Variants in CNOT3 observed in about 807,000 individuals in gnomAD.
CNOT3 encodes the protein CCR4-NOT transcription complex subunit 3.
A neutral mutation model predicts 89.4 loss-of-function variants in CNOT3; 2 were observed. That is an observed-to-expected ratio of 0.02 (90% CI 0.01 to 0.07). The LOEUF (loss-of-function observed/expected upper bound fraction) is 0.07, where lower values mean the gene tolerates loss of function less well. Among genes scored for constraint, CNOT3 ranks in the 10% least tolerant of loss-of-function variants. The probability of loss-of-function intolerance (pLI) is 1.00; values close to 1 mark genes in which losing one functional copy is unlikely to be tolerated. For missense variants in CNOT3, 664 were observed against 1,010.2 expected, an observed-to-expected ratio of 0.66 and a Z score of 4.65; for synonymous variants, 486 against 402.0, an observed-to-expected ratio of 1.21 and a Z score of -2.50.
chr19:54,152,863 A>C lies in CNOT3; in HGVS notation c.1905-4A>C. The C allele has an allele frequency of 7.2e-7, 1 of 1,395,674 alleles. No individual in the cohort carries two copies. The highest frequency in any genetic ancestry group is 1.0e-6 in the Non-Finnish European group (1 of 1,004,612). The allele number at this position is 1,395,674 out of a possible 1,614,324, so 86.5% of individuals were successfully genotyped here. ...TGGCACTGACCTTCCTGTTGCTCTCACAGGCAGTACCTCCCCCGGAACCCC... is the reference window on the plus strand; with the variant it reads ...TGGCACTGACCTTCCTGTTGCTCTCCCAGGCAGTACCTCCCCCGGAACCCC... On this transcript the variant is annotated splice_polypyrimidine_tract_variant and splice_region_variant and intron_variant, in intron 15 of 17. Coordinates refer to ENST00000221232, the MANE Select transcript of CNOT3 (RefSeq NM_014516.4).
In CNOT3 at chr19:54,155,506, A is replaced by T; in HGVS notation, c.*99A>T. On this transcript the variant is annotated 3_prime_UTR_variant, in exon 18 of 18. Transcript: ENST00000221232. The stretch of plus-strand genomic sequence containing the variant: ...GAAGACTGGAGGGAGGCCCCAAGCC[A>T]CGGGGCATCCCCCTCTCCCAGGAAG... The T allele has an allele frequency of 1.1e-6, 1 of 944,750 alleles. No homozygotes were observed. Among genetic ancestry groups the T allele is most frequent in the Non-Finnish European group, 1.6e-6 (1 of 634,708 alleles). The allele number at this position is 944,750 out of a possible 1,614,324, so 58.5% of individuals were successfully genotyped here.
intron 12 of CNOT3, 149 bp from the exon 13 acceptor site, chr19:54,149,411 C>T: frequency 2.0e-6 from 1 of 512,452 alleles, no homozygotes; most frequent in South Asian, 3.4e-5. Context: ...CCCAGAGAAC[C>T]ACTTCTTTCT....
chr19:54,152,106 TG>T, intron 13 of CNOT3, 119 bp from the exon 14 acceptor site: 2 of 900,044 alleles, frequency 2.2e-6, no homozygotes, highest in Non-Finnish European at 3.5e-6. Context: ...TTGTGGGGAG[TG>T]GGTCGTTGGC....
chr19:54,151,562 T>C (rs2075110476), intron 13 of CNOT3, among the ~76,000 whole-genome samples: 1 of 152,190 alleles, frequency 6.6e-6, no homozygotes, highest in Non-Finnish European at 1.5e-5. Context: ...TGACTCGTTG[T>C]GGAGAGTCCA....
In CNOT3 at chr19:54,154,119, T is replaced by C. The variant is rs1384053890; in HGVS notation, c.2163+279T>C. On this transcript the variant is annotated intron_variant, in intron 17 of 17. Coordinates refer to ENST00000221232, the MANE Select transcript of CNOT3 (RefSeq NM_014516.4). ...GCCACCCAGCCCAGTGCCTCCCCTT[T>C]GCAGTGCTGGGCACACTCGCCTGGG... 1.1e-5 allele frequency: 7 copies of C among 660,166 alleles called. No homozygotes were observed. In the East Asian group the frequency reaches 2.2e-4, roughly 20 times the overall value. The allele number at this position is 660,166 out of a possible 1,614,324, so 40.9% of individuals were successfully genotyped here.
At chr19:54,153,182 CCA>C in intron 16 of CNOT3, 183 bp downstream of exon 16, 2 of 766,778 alleles carry the variant, frequency 2.6e-6, no homozygotes, top group Non-Finnish European at 4.8e-6. Flanking sequence ...GCCTTCCAGC[CCA>C]GAGATGTTAG....
intron 13 of CNOT3, among the ~76,000 whole-genome samples, chr19:54,151,608 TGGA>T (rs2075114686): frequency 1.3e-5 from 2 of 152,186 alleles, no homozygotes; most frequent in Admixed American, 6.5e-5. Context: ...TGCACGTGGC[TGGA>T]GGAGATGGGA....
intron 16 of CNOT3, 27 bp downstream of exon 16, chr19:54,153,026 C>T (rs763940566): frequency 1.4e-5 from 23 of 1,589,072 alleles, no homozygotes; most frequent in African/African-American, 5.4e-5. Flanking sequence ...GGGGCAGCCT[C>T]GGGCCCCCCG....
In CNOT3 at chr19:54,148,442, G is replaced by A. The variant is rs765712541; in HGVS notation, c.1189G>A (p.Gly397Arg). The change falls in exon 11 of 18, where the codon GGA becomes AGA. Residue 397 changes from glycine (G) to arginine (R), a missense_variant. This residue lies in a region of CNOT3 where 545 missense variants were observed against 566.2 expected (regional missense o/e 0.96). Coordinates refer to ENST00000221232, the MANE Select transcript of CNOT3 (RefSeq NM_014516.4). This position sits in a 1 kb window ranked among gnomAD's most constrained non-coding sequence, Gnocchi z 6.3. Reference sequence around the variant, plus strand: ...CCGGCCCCCCAGCGTCCAGCCTAGCGGAGGCGGAGGCGGCGGCAGCGGAGG... The same window carrying A: ...CCGGCCCCCCAGCGTCCAGCCTAGCAGAGGCGGAGGCGGCGGCAGCGGAGG... ...QPRPPSVQPS[G>R]GGGGGSGGGG... The A allele has an allele frequency of 8.9e-6, 14 of 1,567,240 alleles. No homozygotes were observed. Among genetic ancestry groups the A allele is most frequent in the East Asian group, 4.5e-5 (2 of 44,268 alleles).
At chr19:54,139,372 TG>T (rs1352155283) in intron 1 of CNOT3, among the ~76,000 whole-genome samples, 1 of 152,150 alleles carries the variant, frequency 6.6e-6, no homozygotes, top group African/African-American at 2.4e-5. Flanking sequence ...ACCCTTACGC[TG>T]GGTGTCAGCA....
At chr19:54,146,171 C>T (rs757381023) in intron 9 of CNOT3, 128 bp downstream of exon 9, 125 of 1,022,112 alleles carry the variant, frequency 1.2e-4, no homozygotes, top group Non-Finnish European at 9.8e-5. Flanking sequence ...TATCCAGGGT[C>T]TAGGCTCTTG....
chr19:54,148,101 C>T lies in CNOT3; in HGVS notation c.895-47C>T. 2 of 1,368,740 alleles carry T rather than the reference C, an allele frequency of 1.5e-6. No individual in the cohort carries two copies. Among genetic ancestry groups the T allele is most frequent in the East Asian group, 2.9e-5 (1 of 34,332 alleles). The allele number at this position is 1,368,740 out of a possible 1,614,324, so 84.8% of individuals were successfully genotyped here. A position where few individuals can be genotyped will look rare whatever the true frequency, so the allele number is the denominator to read the frequency against. ...CCTGAGGTGGGGGTGGTGAGGGAGA[C>T]CAGCTGGCCCACTGGGTCCTGACCC... On this transcript the variant is annotated intron_variant, in intron 10 of 17. Coordinates refer to ENST00000221232, the MANE Select transcript of CNOT3 (RefSeq NM_014516.4). This position sits in a 1 kb window ranked among gnomAD's most constrained non-coding sequence, Gnocchi z 6.3.
intron 10 of CNOT3, among the ~76,000 whole-genome samples, chr19:54,147,334 G>A (rs2074734720): frequency 6.6e-6 from 1 of 152,208 alleles, no homozygotes; most frequent in African/African-American, 2.4e-5. Context: ...ACCCTGAGTG[G>A]GCATTGAGGA....
At position 54,144,365 on chromosome 19, in the gene CNOT3, G is replaced by A. The variant is rs756346346; in HGVS notation, c.483+33G>A. ...AGGGAGACCCGACACCTTTGGGATG[G>A]GGATGGGCATGGGAATGGGCTGGCC... is the stretch of plus-strand genomic sequence containing the variant. On this transcript the variant is annotated intron_variant, in intron 7 of 17. Coordinates refer to ENST00000221232, the MANE Select transcript of CNOT3 (RefSeq NM_014516.4). The surrounding 1 kb of genome is among the most constrained non-coding windows in gnomAD (Gnocchi z 4.8). The A allele has an allele frequency of 1.9e-6, 3 of 1,539,032 alleles. No homozygotes were observed. In the East Asian group the frequency reaches 6.7e-5, roughly 35 times the overall value.
At chr19:54,147,443 GC>G in intron 10 of CNOT3, among the ~76,000 whole-genome samples, 1 of 152,294 alleles carries the variant, frequency 6.6e-6, no homozygotes, top group Middle Eastern at 3.4e-3. Flanking sequence ...TACTCCAGGG[GC>G]CAGGCTGGGC....
rs1008299980 is a variant in CNOT3, at chr19:54,144,675, C to T, written c.483+343C>T. Among the ~76,000 whole-genome samples, 3 of 152,146 alleles carry T rather than the reference C, an allele frequency of 2.0e-5. No homozygotes were observed. The highest frequency in any genetic ancestry group is 6.5e-5 in the Admixed American group (1 of 15,284). On this transcript the variant is annotated intron_variant, in intron 7 of 17. Transcript: ENST00000221232. The surrounding 1 kb of genome is among the most constrained non-coding windows in gnomAD (Gnocchi z 4.8). The stretch of plus-strand genomic sequence containing the variant: ...GAAGGACACCCATGGCAAGAGGCCT[C>T]CTGGCACCCAGAGGGCCCTGGTCCT...
At chr19:54,143,635 A>G in intron 4 of CNOT3, 25 bp from the exon 5 acceptor site, 1 of 1,612,942 alleles carries the variant, frequency 6.2e-7, no homozygotes, top group Non-Finnish European at 8.5e-7. Context: ...CTGAGGTCTG[A>G]CTTTCTTGCT....
At position 54,138,484 on chromosome 19, in the gene CNOT3, C is replaced by T. The variant is rs587723230; in HGVS notation, c.-51+491C>T. 7.2e-5 allele frequency among the ~76,000 whole-genome samples: 11 copies of T among 152,188 alleles called. No individual in the cohort carries two copies. In the East Asian group the frequency reaches 1.9e-3, roughly 27 times the overall value. ...TTGTGGGGCAGCCTCCGCGCCGGGGCTTCTCCCTCGACGGTGGCGGGGAGG... is the reference window on the plus strand; with the variant it reads ...TTGTGGGGCAGCCTCCGCGCCGGGGTTTCTCCCTCGACGGTGGCGGGGAGG... On this transcript the variant is annotated intron_variant, in intron 1 of 17. Transcript: ENST00000221232.
At position 54,152,477 on chromosome 19, in the gene CNOT3, C is replaced by G. The variant is rs760819368; in HGVS notation, c.1755C>G (p.Pro585=). ...TSAPPASAQP[P]LQLSEVNIPL... is the part of the protein sequence containing the mutation. ...CACCTCCGGCCTCAGCCCAGCCGCC[C>G]CTGCAGCTGTCAGAGGTGAACATAC... The change falls in exon 15 of 18, where the codon CCC becomes CCG. Residue 585 remains proline (P), a synonymous_variant. Coordinates refer to ENST00000221232, the MANE Select transcript of CNOT3 (RefSeq NM_014516.4). The G allele has an allele frequency of 6.2e-7, 1 of 1,614,232 alleles. No individual in the cohort carries two copies. The highest frequency in any genetic ancestry group is 1.1e-5 in the South Asian group (1 of 91,084).
Sources: gnomAD v4.1 joint callset for allele counts (sites outside exome capture counted in the v4.1 genomes callset) on GRCh38, gnomAD v4.1.1 for gene constraint, gnomAD v4.1.1 regional missense constraint, Gnocchi (gnomAD v3.1) non-coding constraint, MANE v1.5 for transcripts, NCBI Gene and HGNC (gene_info 2026-07-23, HGNC 2026-07-21) for gene names.